YJU2B: variants seen among roughly 807,000 people sequenced by gnomAD.
The protein encoded by YJU2B is probable splicing factor YJU2B.
Under a neutral mutation model 38.0 loss-of-function variants are expected in YJU2B, and 18 were observed. That is an observed-to-expected ratio of 0.47 (90% CI 0.33 to 0.70). YJU2B has a LOEUF of 0.70. Among genes scored for constraint, YJU2B ranks in the 30% least tolerant of loss-of-function variants. The pLI, the probability that YJU2B is intolerant of heterozygous loss-of-function variation, is 0.02. For synonymous variants in YJU2B, 246 were observed against 225.4 expected (o/e 1.09, Z -0.82); for missense variants, 538 against 556.3 (o/e 0.97, Z 0.33).
Position 13,759,285 on chromosome 19 carries a change from C to G in YJU2B, c.573+13C>G. The G allele has an allele frequency of 6.3e-7, 1 of 1,592,352 alleles. No homozygotes were observed. The highest frequency in any genetic ancestry group is 8.6e-7 in the Non-Finnish European group (1 of 1,168,218). On this transcript the variant is annotated intron_variant, in intron 8 of 9. Transcript: ENST00000221554. Reference sequence around the variant, plus strand: ...GAGAAGGTTCCGGGTGAGGGGGGCTCCAGCCCGGGGTCAGAGAGGATGCAT... The same window carrying G: ...GAGAAGGTTCCGGGTGAGGGGGGCTGCAGCCCGGGGTCAGAGAGGATGCAT...
chr19:13,734,580 G>A (rs953807223), intron 2 of YJU2B, among the ~76,000 whole-genome samples: 2 of 151,210 alleles, frequency 1.3e-5, no homozygotes, highest in South Asian at 2.1e-4. Context: ...GTGAGCCACC[G>A]CGCCCGGCCC....
intron 2 of YJU2B, among the ~76,000 whole-genome samples, chr19:13,742,542 A>C (rs1470931262): frequency 1.3e-5 from 2 of 152,146 alleles, no homozygotes; most frequent in Non-Finnish European, 2.9e-5. Flanking sequence ...GTGAAACTTC[A>C]GAACGTGAAA....
chr19:13,741,595 T>A (rs1037405810), intron 2 of YJU2B, among the ~76,000 whole-genome samples: 1 of 149,244 alleles, frequency 6.7e-6, no homozygotes, highest in Non-Finnish European at 1.5e-5. Flanking sequence ...AAAAAAAAAA[T>A]TAGCTAGGCA....
Position 13,751,801 on chromosome 19 carries a change from C to T in YJU2B, c.-8C>T, listed in dbSNP as rs762539676. 1 of 1,614,106 alleles carries T rather than the reference C, an allele frequency of 6.2e-7. No homozygotes were observed. The highest frequency in any genetic ancestry group is 1.6e-4 in the Middle Eastern group (1 of 6,062). On this transcript the variant is annotated 5_prime_UTR_variant, in exon 2 of 10. Coordinates refer to ENST00000221554, the MANE Select transcript of YJU2B (RefSeq NM_030818.4). ...CCCGAGGCTGAGGACCAGTAGGCAG[C>T]TCCCAAGATGGTGAGTAGACAGCCT...
At position 13,763,096 on chromosome 19, in the gene YJU2B, G is replaced by C. The variant is rs375166277; in HGVS notation, c.*28G>C. 33 of 1,512,728 alleles carry C rather than the reference G, an allele frequency of 2.2e-5. No individual in the cohort carries two copies. Among genetic ancestry groups the C allele is most frequent in the Non-Finnish European group, 2.8e-5 (32 of 1,126,196 alleles). The allele number at this position is 1,512,728 out of a possible 1,614,324, so 93.7% of individuals were successfully genotyped here. On this transcript the variant is annotated 3_prime_UTR_variant, in exon 10 of 10. Transcript: ENST00000221554. ...GATCCCCATCCTGGAGACTGGACCC[G>C]CTCTAGAGGCCCGGACACACCCAGG...
chr19:13,759,142 G>T lies in YJU2B; in HGVS notation c.443G>T (p.Arg148Leu). ...AAGCTGGAGACGGACGCCATGTTCC[G>T]GCTGGAGCATGGCGAGGCCGACCGC... ...KQKLETDAMF[R>L]LEHGEADRST... Residue 148 changes from arginine to leucine, a missense_variant, in exon 8 of 10, where the codon CGG becomes CTG. Physicochemically the swap from Arg to Leu is moderately radical, Grantham distance 102 (BLOSUM62 -2). Transcript: ENST00000221554. 1 of 1,613,722 alleles carries T rather than the reference G, an allele frequency of 6.2e-7. No homozygotes were observed. The highest frequency in any genetic ancestry group is 8.5e-7 in the Non-Finnish European group (1 of 1,179,910).
Position 13,756,193 on chromosome 19 carries a change from A to G in YJU2B, c.58-4A>G, listed in dbSNP as rs757574359. 3.1e-6 allele frequency: 5 copies of G among 1,613,624 alleles called. No homozygotes were observed. Among genetic ancestry groups the G allele is most frequent in the Non-Finnish European group, 3.4e-6 (4 of 1,179,682 alleles). On this transcript the variant is annotated splice_polypyrimidine_tract_variant and splice_region_variant and intron_variant, in intron 3 of 9. Coordinates refer to ENST00000221554, the MANE Select transcript of YJU2B (RefSeq NM_030818.4). ...CTAATCCGCTCCTCATCCTCTCCAC[A>G]CAGCATGGCTCTCTCAACCGATACC...
chr19:13,756,349 GC>G, intron 4 of YJU2B, 70 bp downstream of exon 4: 1 of 1,184,674 alleles, frequency 8.4e-7, no homozygotes, highest in Non-Finnish European at 1.3e-6. Context: ...AGAGTTCAGT[GC>G]CCTCATTGGC....
At chr19:13,759,345 C>T (rs761146976) in intron 8 of YJU2B, 73 bp downstream of exon 8, 17 of 1,252,368 alleles carry the variant, frequency 1.4e-5, no homozygotes, top group Non-Finnish European at 1.6e-5. Context: ...CCTCCCCCCA[C>T]CACATCCTAG....
chr19:13,737,569 G>A (rs1599488997), intron 2 of YJU2B, among the ~76,000 whole-genome samples: 2 of 133,168 alleles, frequency 1.5e-5, no homozygotes, highest in Admixed American at 7.6e-5. Flanking sequence ...GGTGGATCAC[G>A]AGGTCAGGAG....
At chr19:13,756,359 G>C in intron 4 of YJU2B, 80 bp downstream of exon 4, 1 of 1,077,414 alleles carries the variant, frequency 9.3e-7, no homozygotes, top group African/African-American at 1.5e-5. Context: ...GCCCTCATTG[G>C]CCCAGTGCTG....
intron 2 of YJU2B, among the ~76,000 whole-genome samples, chr19:13,736,260 T>C (rs989745587): frequency 1.5e-5 from 2 of 136,844 alleles, no homozygotes; most frequent in South Asian, 2.5e-4. Context: ...CTTTCTTTTT[T>C]TTTTTTTTTT....
At chr19:13,758,487 GA>G (rs1485786997) in intron 6 of YJU2B, among the ~76,000 whole-genome samples, 4 of 152,198 alleles carry the variant, frequency 2.6e-5, no homozygotes, top group Admixed American at 2.6e-4. Flanking sequence ...AATGATAAGT[GA>G]ATTAACAAAT....
upstream of YJU2B, among the ~76,000 whole-genome samples, chr19:13,743,816 C>G (rs1973158838): frequency 6.6e-6 from 1 of 150,824 alleles, no homozygotes; most frequent in African/African-American, 2.4e-5. Context: ...TCGCTTGAAC[C>G]TGGGAGGTTG....
chr19:13,742,685 C>G (rs1454349109), intron 2 of YJU2B, among the ~76,000 whole-genome samples: 1 of 152,226 alleles, frequency 6.6e-6, no homozygotes, highest in Admixed American at 6.5e-5. Context: ...GGCTCCATCA[C>G]TTGCCCTGTG....
At chr19:13,738,534 G>A (rs954021488) in intron 2 of YJU2B, among the ~76,000 whole-genome samples, 10 of 152,146 alleles carry the variant, frequency 6.6e-5, no homozygotes, top group African/African-American at 1.7e-4. Context: ...CAAGGCGGGC[G>A]GATCACTTGA....
chr19:13,745,692 T>TAGATAGATATAG (rs57681294), upstream of YJU2B, among the ~76,000 whole-genome samples: 3 of 93,298 alleles, frequency 3.2e-5, no homozygotes, highest in African/African-American at 1.2e-4. Flanking sequence ...GATAGATAGA[T>TAGATAGATATAG]ATAGATATAT....
chr19:13,757,550 T>A (rs1973714940), intron 5 of YJU2B, 77 bp downstream of exon 5: 2 of 900,182 alleles, frequency 2.2e-6, no homozygotes, highest in East Asian at 5.1e-5. Context: ...GGGGTGGGGG[T>A]GGGAGGGTCC....
At chr19:13,752,821 G>T (rs977873250) in intron 2 of YJU2B, among the ~76,000 whole-genome samples, 2 of 151,948 alleles carry the variant, frequency 1.3e-5, no homozygotes, top group Non-Finnish European at 2.9e-5. Context: ...GCTAAGGCAC[G>T]AGGATTGCTT....
Sources: allele counts gnomAD v4.1 joint callset (sites outside exome capture counted in the v4.1 genomes callset), GRCh38; gene constraint gnomAD v4.1.1; transcripts MANE v1.5; gene names NCBI Gene and HGNC (gene_info 2026-07-23, HGNC 2026-07-21).